Variants in CFAP54 observed in about 807,000 individuals in gnomAD.
CFAP54 encodes cilia and flagella associated protein 54, also known as cilia- and flagella-associated protein 54.
A neutral mutation model predicts 370.4 loss-of-function variants in CFAP54; 290 were observed. The observed-to-expected ratio is 0.78, with a 90% CI of 0.71 to 0.86. The LOEUF is 0.86. Ranked by LOEUF, CFAP54 falls within the 40% of genes least tolerant of loss-of-function variation. The probability of loss-of-function intolerance (pLI) is 0.00; values close to 1 mark genes in which losing one functional copy is unlikely to be tolerated. For missense variants in CFAP54, 3,399 were observed against 3,528.7 expected (o/e 0.96, Z 0.93); for synonymous variants, 1,206 against 1,236.5 (o/e 0.98, Z 0.52).
chr12:96,803,114 T>C (rs1291151257), intron 63 of CFAP54, among the ~76,000 whole-genome samples: 1 of 152,208 alleles, frequency 6.6e-6, no homozygotes, highest in Non-Finnish European at 1.5e-5. Flanking sequence ...TTTTTGCTAT[T>C]GTAAATAGTG....
chr12:96,812,457 G>T (rs1958937214), intron 64 of CFAP54, among the ~76,000 whole-genome samples: 1 of 151,990 alleles, frequency 6.6e-6, no homozygotes, highest in Non-Finnish European at 1.5e-5. Context: ...CCCTGTTGTT[G>T]TTTTTTCATT....
At position 96,700,092 on chromosome 12, in the gene CFAP54, A is replaced by C. The variant is rs1957476152; in HGVS notation, c.6473A>C (p.Lys2158Thr). ...GGCTATAAAGCCACTGGAAAAATGA[A>C]GGTAACCTGACAATTTGATTCAAAG... ...PAGYKATGKM[K>T]IFQSFDSGKL... The change falls in exon 46 of 68, where the codon AAG becomes ACG. Residue 2158 changes from lysine (K) to threonine (T), a missense_variant and splice_region_variant. By Grantham distance (78) the Lys-to-Thr change is moderately conservative. Coordinates refer to ENST00000524981, the MANE Select transcript of CFAP54 (RefSeq NM_001306084.2). 6.2e-7 allele frequency: 1 copy of C among 1,602,506 alleles called. No individual in the cohort carries two copies. The highest frequency in any genetic ancestry group is 1.8e-5 in the Admixed American group (1 of 56,838).
At chr12:96,496,345 G>A (rs1051800087) in intron 1 of CFAP54, among the ~76,000 whole-genome samples, 2 of 152,164 alleles carry the variant, frequency 1.3e-5, no homozygotes, top group Non-Finnish European at 2.9e-5. Flanking sequence ...GCCAGCTCAG[G>A]CTGCCATAAC....
chr12:96,710,703 A>G (rs535450245), intron 48 of CFAP54, among the ~76,000 whole-genome samples: 1 of 151,798 alleles, frequency 6.6e-6, no homozygotes, highest in Non-Finnish European at 1.5e-5. Context: ...CTTGTCACCC[A>G]GGCTGGAGTG....
intron 5 of CFAP54, among the ~76,000 whole-genome samples, chr12:96,514,107 C>T (rs946957462): frequency 2.0e-5 from 3 of 152,150 alleles, no homozygotes; most frequent in African/African-American, 7.2e-5. Context: ...CCAAGAAGGG[C>T]GAATATACTC....
chr12:96,531,719 G>C (rs1286255164), intron 9 of CFAP54, among the ~76,000 whole-genome samples: 1 of 151,806 alleles, frequency 6.6e-6, no homozygotes, highest in Non-Finnish European at 1.5e-5. Flanking sequence ...ATACTTTTTT[G>C]TTATTTTTGT....
intron 32 of CFAP54, among the ~76,000 whole-genome samples, chr12:96,640,647 G>A (rs971417918): frequency 7.9e-5 from 12 of 152,276 alleles, no homozygotes; most frequent in African/African-American, 2.6e-4. Context: ...AACAAAGCTG[G>A]AGGCATCACT....
chr12:96,703,980 T>G (rs988659650), intron 46 of CFAP54, among the ~76,000 whole-genome samples: 4 of 152,160 alleles, frequency 2.6e-5, no homozygotes, highest in African/African-American at 9.7e-5. Context: ...AGTGGCTCCC[T>G]CAGATATCCA....
chr12:96,693,539 G>A (rs554869686), intron 44 of CFAP54, among the ~76,000 whole-genome samples, 183 bp from the exon 45 acceptor site: 12 of 152,262 alleles, frequency 7.9e-5, no homozygotes, highest in East Asian at 7.7e-4. Flanking sequence ...TTAAAGTTCC[G>A]ATAAACTTAT....
At chr12:96,779,070 G>A (rs892898304) in intron 60 of CFAP54, among the ~76,000 whole-genome samples, 1 of 142,444 alleles carries the variant, frequency 7.0e-6, no homozygotes, top group Non-Finnish European at 1.5e-5. Context: ...TCGTGCCATC[G>A]CACTCCAGCC....
chr12:96,780,303 T>C (rs1958568632), intron 60 of CFAP54, among the ~76,000 whole-genome samples: 2 of 152,214 alleles, frequency 1.3e-5, no homozygotes, highest in African/African-American at 4.8e-5. Context: ...TCATTTTTAA[T>C]CTTTCACAGT....
chr12:96,845,781 T>C (rs1251825692), intron 66 of CFAP54, among the ~76,000 whole-genome samples: 6 of 152,134 alleles, frequency 3.9e-5, no homozygotes, highest in Admixed American at 3.9e-4. Flanking sequence ...ACTCAAAAAA[T>C]AGAAAATGAA....
chr12:96,710,835 AT>A (rs1368400190), intron 48 of CFAP54, among the ~76,000 whole-genome samples: 1 of 151,928 alleles, frequency 6.6e-6, no homozygotes, highest in Non-Finnish European at 1.5e-5. Context: ...AAGTTTTTGT[AT>A]TTTTAGTAGA....
intron 63 of CFAP54, among the ~76,000 whole-genome samples, chr12:96,793,927 T>C (rs1050877416): frequency 6.6e-6 from 1 of 152,174 alleles, no homozygotes; most frequent in African/African-American, 2.4e-5. Flanking sequence ...CTTGCTAGTT[T>C]GTTTGAGTTC....
At chr12:96,516,802 G>A (rs969736627) in intron 5 of CFAP54, among the ~76,000 whole-genome samples, 1 of 152,078 alleles carries the variant, frequency 6.6e-6, no homozygotes, top group Non-Finnish European at 1.5e-5. Flanking sequence ...ATTATTTCAC[G>A]TACCATTACA....
At chr12:96,784,930 C>T (rs1958614734) in intron 61 of CFAP54, 40 bp downstream of exon 61, 1 of 1,323,306 alleles carries the variant, frequency 7.6e-7, no homozygotes, top group Non-Finnish European at 9.9e-7. Context: ...ATATTTCTTT[C>T]TAATTCCCAT....
intron 12 of CFAP54, among the ~76,000 whole-genome samples, chr12:96,537,343 CTTATTA>C (rs1022212929): frequency 4.0e-5 from 6 of 151,818 alleles, no homozygotes; most frequent in African/African-American, 1.5e-4. Flanking sequence ...GCTCCAATTC[CTTATTA>C]TTATTATTTT....
intron 33 of CFAP54, chr12:96,646,652 A>C (rs539323323): frequency 2.0e-5 from 3 of 152,170 alleles, no homozygotes; most frequent in East Asian, 1.9e-4. Flanking sequence ...CACATGCACA[A>C]ATATGTTTAT....
intron 15 of CFAP54, among the ~76,000 whole-genome samples, chr12:96,552,076 A>G (rs779766827): frequency 1.3e-4 from 20 of 151,778 alleles, no homozygotes; most frequent in Non-Finnish European, 2.5e-4. Flanking sequence ...GAGAAACCCC[A>G]TGTCTACTAA....
Sources: gnomAD v4.1 joint callset for allele counts (sites outside exome capture counted in the v4.1 genomes callset) on GRCh38, gnomAD v4.1.1 for gene constraint, MANE v1.5 for transcripts, NCBI Gene and HGNC (gene_info 2026-07-23, HGNC 2026-07-21) for gene names.